The following WWC1 variants were observed in gnomAD, a reference collection of about 807,000 sequenced individuals.
WWC1 encodes the protein WW and C2 domain containing 1.
WWC1 carries 55 observed loss-of-function variants against 138.4 expected under a neutral mutation model. The observed-to-expected ratio is 0.40, with a 90% CI of 0.32 to 0.50. The LOEUF is 0.50. Among genes scored for constraint, WWC1 ranks in the 20% least tolerant of loss-of-function variants. The pLI is 0.72. For missense variants in WWC1, 1,226 were observed against 1,420.4 expected (o/e 0.86, Z 2.20); for synonymous variants, 524 against 564.9 (o/e 0.93, Z 1.03).
At position 168,430,121 on chromosome 5, in the gene WWC1, C is replaced by G; in HGVS notation, c.2001-16C>G. ...GTGTTACTAATAGGTACTTCATATG[C>G]CCCTTTTCATTTCAGGTATGATGAG... On this transcript the variant is annotated splice_polypyrimidine_tract_variant and intron_variant, in intron 13 of 22. Coordinates refer to ENST00000265293, the MANE Select transcript of WWC1 (RefSeq NM_015238.3). The G allele has an allele frequency of 6.3e-7, 1 of 1,585,756 alleles. No homozygotes were observed. The highest frequency in any genetic ancestry group is 1.1e-5 in the South Asian group (1 of 90,326).
intron 1 of WWC1, among the ~76,000 whole-genome samples, chr5:168,310,048 G>A (rs867607024): frequency 4.6e-5 from 7 of 152,260 alleles, no homozygotes; most frequent in Non-Finnish European, 1.0e-4. Flanking sequence ...CTGTCCCCTT[G>A]GGGTGCTGGG....
In WWC1 at chr5:168,385,381, G is replaced by A. The variant is rs564853802; in HGVS notation, c.400G>A (p.Val134Ile). 2.0e-5 allele frequency: 32 copies of A among 1,613,812 alleles called. No homozygotes were observed. The highest frequency in any genetic ancestry group is 5.5e-5 in the South Asian group (5 of 91,070). The change falls in exon 3 of 23, where the codon GTC (valine) becomes ATC (isoleucine). Residue 134 changes from valine (V) to isoleucine (I), a missense_variant. This residue lies in a region of WWC1 where 1,016 missense variants were observed against 1,153.9 expected (regional missense o/e 0.88). Transcript: ENST00000265293. ...AQQEYQQLHA[V>I]WEHKLGSQVS... is the part of the protein sequence containing the mutation. ...GCAGGAGTACCAGCAACTGCATGCC[G>A]TCTGGGAGCATAAGCTGGGCTCCCA...
chr5:168,312,885 T>C (rs1771243649), intron 1 of WWC1, among the ~76,000 whole-genome samples: 1 of 151,166 alleles, frequency 6.6e-6, no homozygotes, highest in East Asian at 2.0e-4. Flanking sequence ...GCATGATCTC[T>C]GCAACCTCCA....
intron 1 of WWC1, among the ~76,000 whole-genome samples, chr5:168,347,810 A>G (rs140317777): frequency 6.6e-6 from 1 of 152,308 alleles, no homozygotes; most frequent in East Asian, 1.9e-4. Context: ...ATCAAGAATG[A>G]TTCTGTCCCC....
Position 168,425,494 on chromosome 5 carries a change from C to CTTT in WWC1, c.1810+1440_1810+1442dup, listed in dbSNP as rs541197702. ...GGAAGTGGGTGCTATTTTTAATCTC[C>CTTT]TTTTTTTTTTTTTTTTGAGATGGAG... On this transcript the variant is annotated intron_variant, in intron 11 of 22. Transcript: ENST00000265293. Among the ~76,000 whole-genome samples the CTTT allele has an allele frequency of 1.1e-4, 15 of 135,528 alleles. No homozygotes were observed. The East Asian group carries it at 2.4e-3, about 22-fold the overall frequency. 88.9% of individuals were successfully genotyped at this position (135,528 alleles called of 152,430 possible). A position where few individuals can be genotyped will look rare whatever the true frequency, so the allele number is the denominator to read the frequency against.
chr5:168,336,800 C>T (rs966243717), intron 1 of WWC1, among the ~76,000 whole-genome samples: 35 of 152,154 alleles, frequency 2.3e-4, no homozygotes, highest in East Asian at 5.8e-4. Flanking sequence ...TAGAGTTAAA[C>T]GGAATTGGTT....
chr5:168,355,752 A>G (rs1741002738), intron 1 of WWC1, among the ~76,000 whole-genome samples: 1 of 152,176 alleles, frequency 6.6e-6, no homozygotes, highest in African/African-American at 2.4e-5. Flanking sequence ...CAACCGAGTG[A>G]CAAGACTGGA....
intron 3 of WWC1, among the ~76,000 whole-genome samples, chr5:168,394,271 G>A (rs1040019329): frequency 2.6e-5 from 4 of 152,236 alleles, no homozygotes; most frequent in Non-Finnish European, 5.9e-5. Flanking sequence ...TTTAGGTTGT[G>A]AGTTATGGGG....
chr5:168,335,459 A>AAAAG (rs151089995), intron 1 of WWC1, among the ~76,000 whole-genome samples: 16,929 of 152,228 alleles, frequency 0.11, 1,264 homozygotes, highest in Non-Finnish European at 0.15. Context: ...CGTTCTCTTA[A>AAAAG]AAAGAAAGAA....
intron 2 of WWC1, among the ~76,000 whole-genome samples, 178 bp downstream of exon 2, chr5:168,371,711 G>A (rs886825163): frequency 6.6e-6 from 1 of 152,102 alleles, no homozygotes; most frequent in African/African-American, 2.4e-5. Flanking sequence ...GTATGCTTGT[G>A]TAAAAATAAC....
At chr5:168,304,286 A>T (rs538865513) in intron 1 of WWC1, among the ~76,000 whole-genome samples, 3 of 152,340 alleles carry the variant, frequency 2.0e-5, no homozygotes, top group Non-Finnish European at 1.5e-5. Flanking sequence ...GTCCCCTGGA[A>T]AAACTGGTCA....
chr5:168,436,568 A>C (rs1415952152), intron 15 of WWC1, among the ~76,000 whole-genome samples: 1 of 152,002 alleles, frequency 6.6e-6, no homozygotes, highest in Non-Finnish European at 1.5e-5. Flanking sequence ...CTTCACTTAA[A>C]CGTAAAATAG....
At chr5:168,364,533 C>T (rs536420534) in intron 1 of WWC1, among the ~76,000 whole-genome samples, 8 of 152,324 alleles carry the variant, frequency 5.3e-5, no homozygotes, top group Admixed American at 3.3e-4. Context: ...TCTTGTTCCC[C>T]GGCCAGACCC....
rs1457920095 is a variant in WWC1 at position 168,467,835 on chromosome 5, C to T, written c.3151-5C>T. On this transcript the variant is annotated splice_region_variant and splice_polypyrimidine_tract_variant and intron_variant, in intron 21 of 22. Transcript: ENST00000265293. The stretch of plus-strand genomic sequence containing the variant: ...CTGACTCAGGGCCTTGCTTGCTTTG[C>T]CCAGCAGATGGACCGAGCGGAGCAC... 4 of 1,614,062 alleles carry T rather than the reference C, an allele frequency of 2.5e-6. No homozygotes were observed. The highest frequency in any genetic ancestry group is 3.4e-6 in the Non-Finnish European group (4 of 1,180,030).
At chr5:168,314,065 G>A (rs906261530) in intron 1 of WWC1, among the ~76,000 whole-genome samples, 1 of 152,198 alleles carries the variant, frequency 6.6e-6, no homozygotes, top group Non-Finnish European at 1.5e-5. Context: ...ACGGGACAGC[G>A]GATGAGGGCC....
chr5:168,399,118 C>T (rs1295543917), intron 4 of WWC1, among the ~76,000 whole-genome samples: 5 of 152,166 alleles, frequency 3.3e-5, no homozygotes, highest in Non-Finnish European at 7.3e-5. Context: ...TGCCATTGTC[C>T]TCATCCATCA....
intron 8 of WWC1, among the ~76,000 whole-genome samples, chr5:168,410,685 C>T (rs1158517315): frequency 1.3e-5 from 2 of 151,956 alleles, no homozygotes; most frequent in Admixed American, 6.6e-5. Context: ...ATTACAGGCA[C>T]GCACCACTAC....
At chr5:168,306,854 C>CCCAAAGTG (rs1483902532) in intron 1 of WWC1, among the ~76,000 whole-genome samples, 1 of 152,216 alleles carries the variant, frequency 6.6e-6, no homozygotes, top group Non-Finnish European at 1.5e-5. Context: ...ATCTTGGCCT[C>CCCAAAGTG]CCAAAGTGCT....
intron 17 of WWC1, among the ~76,000 whole-genome samples, chr5:168,445,415 A>G (rs1051444197): frequency 2.7e-5 from 4 of 149,834 alleles, no homozygotes; most frequent in Non-Finnish European, 5.9e-5. Flanking sequence ...AAATAATGGG[A>G]GAGGCCAGGC....
Sources: allele counts gnomAD v4.1 joint callset (sites outside exome capture counted in the v4.1 genomes callset), GRCh38; gene constraint gnomAD v4.1.1; regional missense constraint gnomAD v4.1.1; transcripts MANE v1.5; gene names NCBI Gene and HGNC (gene_info 2026-07-23, HGNC 2026-07-21).